Variants in LMAN1 observed in about 807,000 individuals in gnomAD.
LMAN1 encodes protein ERGIC-53.
LMAN1 carries 32 observed loss-of-function variants against 67.8 expected under a neutral mutation model. The ratio of observed to expected loss-of-function variants is 0.47; its 90% CI spans 0.36 to 0.63. The LOEUF (loss-of-function observed/expected upper bound fraction) is 0.63, where lower values mean the gene tolerates loss of function less well. LMAN1 is among the 30% of genes least tolerant of loss of function. The probability of loss-of-function intolerance (pLI) is 0.00; values close to 1 mark genes in which losing one functional copy is unlikely to be tolerated. For missense variants in LMAN1, 632 were observed against 628.2 expected (o/e 1.01, Z -0.06); for synonymous variants, 235 against 219.3 (o/e 1.07, Z -0.63).
chr18:59,354,643 T>G, intron 3 of LMAN1, 63 bp from the exon 4 acceptor site: 1 of 863,570 alleles, frequency 1.2e-6, no homozygotes. Context: ...TCATTCTTGA[T>G]GTACTATGAA....
intron 10 of LMAN1, among the ~76,000 whole-genome samples, chr18:59,336,207 G>A (rs41405544): frequency 1.2e-3 from 184 of 152,326 alleles, no homozygotes; most frequent in Middle Eastern, 3.4e-3. Context: ...CACCGCGGTA[G>A]TAATGAGCAT....
chr18:59,336,210 A>G (rs906043281), intron 10 of LMAN1, among the ~76,000 whole-genome samples: 1 of 152,208 alleles, frequency 6.6e-6, no homozygotes, highest in African/African-American at 2.4e-5. Context: ...CGCGGTAGTA[A>G]TGAGCATACC....
At chr18:59,350,146 G>C (rs1052332774) in intron 5 of LMAN1, among the ~76,000 whole-genome samples, 15 of 152,128 alleles carry the variant, frequency 9.9e-5, no homozygotes, top group Non-Finnish European at 2.1e-4. Flanking sequence ...TCAATATGAA[G>C]AGTTACTCTC....
At chr18:59,354,866 T>C (rs774009971) in intron 3 of LMAN1, among the ~76,000 whole-genome samples, 12 of 152,200 alleles carry the variant, frequency 7.9e-5, no homozygotes, top group African/African-American at 2.4e-4. Flanking sequence ...TTAACTGTTT[T>C]AGGAGAGATC....
chr18:59,354,861 T>C lies in LMAN1; in HGVS notation c.478-281A>G, dbSNP rs578201132. Reference sequence around the variant, plus strand: ...TTTGTAAGTACATTTTGATCTTAACTGTTTTAGGAGAGATCATCAGAAAAA... The same window carrying C: ...TTTGTAAGTACATTTTGATCTTAACCGTTTTAGGAGAGATCATCAGAAAAA... On this transcript the variant is annotated intron_variant, in intron 3 of 12. Coordinates refer to ENST00000251047, the MANE Select transcript of LMAN1 (RefSeq NM_005570.4). 3.3e-5 allele frequency among the ~76,000 whole-genome samples: 5 copies of C among 152,334 alleles called. No individual in the cohort carries two copies. In the South Asian group the frequency reaches 1.0e-3, roughly 32 times the overall value.
rs1463452830 is a variant in LMAN1, at chr18:59,328,243, T to A, written c.*2850A>T. On this transcript the variant is annotated 3_prime_UTR_variant, in exon 13 of 13. Transcript: ENST00000251047. The stretch of plus-strand genomic sequence containing the variant: ...CTGTTTTCCCTAAGTTATCAAAAAG[T>A]ACAACTGTCTGATATAAATTGTTAC... 1 of 152,188 alleles carries A rather than the reference T, an allele frequency of 6.6e-6. No individual in the cohort carries two copies. Among genetic ancestry groups the A allele is most frequent in the East Asian group, 1.9e-4 (1 of 5,192 alleles). The allele number at this position is 152,188 out of a possible 1,614,324, so 9.4% of individuals were successfully genotyped here. A position where few individuals can be genotyped will look rare whatever the true frequency, so the allele number is the denominator to read the frequency against.
intron 7 of LMAN1, among the ~76,000 whole-genome samples, chr18:59,346,899 G>C (rs1271458875): frequency 6.6e-6 from 1 of 152,032 alleles, no homozygotes; most frequent in Admixed American, 6.6e-5. Context: ...TCAATATCAT[G>C]AGGTGGCCAG....
rs1055256535 is a variant in LMAN1 at position 59,328,702 on chromosome 18, G to A, written c.*2391C>T. The A allele has an allele frequency of 2.0e-5, 3 of 151,954 alleles. No individual in the cohort carries two copies. The highest frequency in any genetic ancestry group is 4.1e-4 in the South Asian group (2 of 4,826). The allele number at this position is 151,954 out of a possible 1,614,324, so 9.4% of individuals were successfully genotyped here. ...TGATTCAGGTTGTCTGAAACCAGGCGCCATGACCCAGATGGTCCATGGATC... is the reference window on the plus strand; with the variant it reads ...TGATTCAGGTTGTCTGAAACCAGGCACCATGACCCAGATGGTCCATGGATC... On this transcript the variant is annotated 3_prime_UTR_variant, in exon 13 of 13. Coordinates refer to ENST00000251047, the MANE Select transcript of LMAN1 (RefSeq NM_005570.4).
Position 59,355,417 on chromosome 18 carries a change from T to A in LMAN1, c.373A>T (p.Ile125Phe), listed in dbSNP as rs377175404. 5 of 1,614,084 alleles carry A rather than the reference T, an allele frequency of 3.1e-6. No individual in the cohort carries two copies. The highest frequency in any genetic ancestry group is 4.2e-6 in the Non-Finnish European group (5 of 1,179,932). The change falls in exon 3 of 13, where the codon ATT (isoleucine) becomes TTT (phenylalanine). Residue 125 changes from isoleucine to phenylalanine, a missense_variant. Transcript: ENST00000251047. Reference protein sequence around the residue: ...RGRIGADGLAIWYAENQGLEG... With the variant: ...RGRIGADGLAFWYAENQGLEG... ...AAGCCTTGATTTTCTGCATACCAAA[T>A]TGCCTGAAAATATGTAATAGGGAAC...
At chr18:59,342,723 T>C (rs1256602164) in intron 8 of LMAN1, among the ~76,000 whole-genome samples, 1 of 152,094 alleles carries the variant, frequency 6.6e-6, no homozygotes, top group Admixed American at 6.5e-5. Context: ...AAACATTCCC[T>C]TTAAGAACTG....
chr18:59,342,460 A>G (rs1385439495), intron 8 of LMAN1, among the ~76,000 whole-genome samples: 8 of 152,122 alleles, frequency 5.3e-5, no homozygotes, highest in African/African-American at 7.2e-5. Context: ...CATCAAAAAG[A>G]TAATACAGCA....
Position 59,345,923 on chromosome 18 carries a change from C to T in LMAN1, c.951G>A (p.Gln317=). Residue 317 remains glutamine (Q), a synonymous_variant, in exon 8 of 13, where the codon CAG becomes CAA. Transcript: ENST00000251047. ...FQKGHPDLQG[Q]PAEEIFESVG... ...GTCAGCTTTGCTACAACTCACCAGG[C>T]TGCCCTTGGAGGTCGGGGTGGCCCT... 1 of 1,614,006 alleles carries T rather than the reference C, an allele frequency of 6.2e-7. No individual in the cohort carries two copies. Among genetic ancestry groups the T allele is most frequent in the Non-Finnish European group, 8.5e-7 (1 of 1,180,028 alleles).
At chr18:59,345,530 C>T (rs2144222053) in intron 8 of LMAN1, among the ~76,000 whole-genome samples, 1 of 152,262 alleles carries the variant, frequency 6.6e-6, no homozygotes. Context: ...AAAATATACA[C>T]TTTTGATGAT....
chr18:59,352,083 T>A (rs1908555437), intron 5 of LMAN1, among the ~76,000 whole-genome samples: 1 of 152,202 alleles, frequency 6.6e-6, no homozygotes, highest in Non-Finnish European at 1.5e-5. Context: ...ATTAATGGCA[T>A]CTTTAAAAAG....
At chr18:59,347,438 AAGTT>A (rs1395268146) in intron 7 of LMAN1, 71 bp downstream of exon 7, 1 of 1,002,036 alleles carries the variant, frequency 1.0e-6, no homozygotes, top group African/African-American at 1.6e-5. Flanking sequence ...ATCCAAACCT[AAGTT>A]AGTCTTCCAA....
intron 4 of LMAN1, among the ~76,000 whole-genome samples, chr18:59,354,130 A>G (rs1908606779): frequency 6.6e-6 from 1 of 152,216 alleles, no homozygotes; most frequent in Admixed American, 6.5e-5. Context: ...TTGAAGTTAA[A>G]TAAGATGGCA....
chr18:59,339,607 G>T (rs1046602974), intron 8 of LMAN1, among the ~76,000 whole-genome samples: 2 of 152,192 alleles, frequency 1.3e-5, no homozygotes, highest in Non-Finnish European at 2.9e-5. Context: ...GAATCCCACA[G>T]GCATTTGAGC....
At position 59,339,569 on chromosome 18, in the gene LMAN1, A is replaced by C. The variant is rs149064049; in HGVS notation, c.956-616T>G. 2.7e-3 allele frequency among the ~76,000 whole-genome samples: 409 copies of C among 152,282 alleles called. 2 individuals carry two copies. Among genetic ancestry groups the C allele is most frequent in the African/African-American group, 9.0e-3 (375 of 41,546 alleles). On this transcript the variant is annotated intron_variant, in intron 8 of 12. Coordinates refer to ENST00000251047, the MANE Select transcript of LMAN1 (RefSeq NM_005570.4). ...GGAACTGCCTAAATATTGCACAGAG[A>C]TGTTGCTCCATAAAGGGAAACCACA...
Position 59,359,159 on chromosome 18 carries a change from C to G in LMAN1, c.86G>C (p.Arg29Pro). 6.2e-7 allele frequency: 1 copy of G among 1,614,080 alleles called. No individual in the cohort carries two copies. Residue 29 changes from arginine to proline, a missense_variant, in exon 1 of 13, where the codon CGG (arginine) becomes CCG (proline). Arg to Pro is a moderately radical substitution (Grantham distance 103). Coordinates refer to ENST00000251047, the MANE Select transcript of LMAN1 (RefSeq NM_005570.4). ...ALLLSLGRFV[R>P]GDGVGGDPAV... ...GGGGTCTCCTCCCACGCCGTCGCCC[C>G]GGACGAAGCGACCGAGTGACAGCAG...
Sources: allele counts gnomAD v4.1 joint callset (sites outside exome capture counted in the v4.1 genomes callset), GRCh38; gene constraint gnomAD v4.1.1; transcripts MANE v1.5; gene names NCBI Gene and HGNC (gene_info 2026-07-23, HGNC 2026-07-21).